UGT1A5: variants seen among roughly 807,000 people sequenced by gnomAD.
The protein encoded by UGT1A5 is UDP glucuronosyltransferase family 1 member A5.
UGT1A5 carries 29 observed loss-of-function variants against 40.3 expected under a neutral mutation model. That is an observed-to-expected ratio of 0.72 (90% confidence interval 0.54 to 0.98). The LOEUF (loss-of-function observed/expected upper bound fraction) is 0.98. Ranked by LOEUF, UGT1A5 falls within the 50% of genes least tolerant of loss-of-function variation. The pLI is 0.00. For synonymous variants in UGT1A5, 257 were observed against 262.5 expected (o/e 0.98, Z 0.20); for missense variants, 678 against 677.9 (o/e 1.00, Z 0.00).
rs551912265 is a variant in UGT1A5 at position 233,725,264 on chromosome 2, G to GGAGGCAGAGGCAGAGGCA, written c.867+11442_867+11459dup. On this transcript the variant is annotated intron_variant, in intron 1 of 4. Transcript: ENST00000373414. The stretch of plus-strand genomic sequence containing the variant: ...CAGAGGCAGAGGAGGCAGAGGCAGA[G>GGAGGCAGAGGCAGAGGCA]GAGGCAGAGGCAGAGGCAGAGGCAG... Among the ~76,000 whole-genome samples, 12 of 58,548 alleles carry GGAGGCAGAGGCAGAGGCA rather than the reference G, an allele frequency of 2.0e-4. 2 individuals are homozygous for GGAGGCAGAGGCAGAGGCA. The highest frequency in any genetic ancestry group is 1.1e-3 in the Admixed American group (7 of 6,532). 38.4% of individuals were successfully genotyped at this position (58,548 alleles called of 152,430 possible). A position where few individuals can be genotyped will look rare whatever the true frequency, so the allele number is the denominator to read the frequency against.
intron 1 of UGT1A5, among the ~76,000 whole-genome samples, chr2:233,756,648 T>A (rs1349644658): frequency 6.6e-6 from 1 of 152,160 alleles, no homozygotes; most frequent in East Asian, 1.9e-4. Flanking sequence ...GGGATAAACA[T>A]GGGATGCAGT....
At chr2:233,733,652 A>C (rs2078424412) in intron 1 of UGT1A5, among the ~76,000 whole-genome samples, 1 of 152,240 alleles carries the variant, frequency 6.6e-6, no homozygotes, top group Non-Finnish European at 1.5e-5. Flanking sequence ...CCCAAGGATG[A>C]AGCCGACTTG....
intron 1 of UGT1A5, among the ~76,000 whole-genome samples, chr2:233,732,478 A>G (rs60103279): frequency 0.034 from 5,126 of 152,332 alleles, 101 homozygotes; most frequent in African/African-American, 0.051. Flanking sequence ...TCTGGAATTA[A>G]TTTTTGTATA....
chr2:233,746,906 T>C (rs1380473357), intron 1 of UGT1A5, among the ~76,000 whole-genome samples: 1 of 151,690 alleles, frequency 6.6e-6, no homozygotes, highest in Admixed American at 6.5e-5. Context: ...TGACATGAAA[T>C]GGGTTTCCAC....
intron 1 of UGT1A5, among the ~76,000 whole-genome samples, chr2:233,724,946 C>T (rs1421347433): frequency 3.5e-5 from 5 of 144,538 alleles, no homozygotes; most frequent in African/African-American, 5.3e-5. Flanking sequence ...TCTGCAATCC[C>T]GGCACCTCGG....
At position 233,743,541 on chromosome 2, in the gene UGT1A5, A is replaced by AC. The variant is rs544018510; in HGVS notation, c.868-23486dup. On this transcript the variant is annotated intron_variant, in intron 1 of 4. Coordinates refer to ENST00000373414, the MANE Select transcript of UGT1A5 (RefSeq NM_019078.2). ...TTCTGCTTCCCCAGCAGTTCCTCTG[A>AC]CCCCCCCAAAATATTCTCCAGCGGG... 1.1e-3 allele frequency: 1,461 copies of AC among 1,366,810 alleles called. 41 individuals carry two copies. The African/African-American group carries it at 0.017, about 16-fold the overall frequency. The allele number at this position is 1,366,810 out of a possible 1,614,324, so 84.7% of individuals were successfully genotyped here. A position where few individuals can be genotyped will look rare whatever the true frequency, so the allele number is the denominator to read the frequency against.
At chr2:233,724,308 C>A (rs2077215136) in intron 1 of UGT1A5, among the ~76,000 whole-genome samples, 1 of 148,194 alleles carries the variant, frequency 6.7e-6, no homozygotes, top group African/African-American at 2.5e-5. Context: ...CACCTCCCTC[C>A]CGGACGGGGC....
At chr2:233,743,641 G>A (rs750445210) in intron 1 of UGT1A5, 2 of 1,367,204 alleles carry the variant, frequency 1.5e-6, no homozygotes, top group East Asian at 4.5e-5. Context: ...GGTCGCGGAA[G>A]CTGAAGACGT....
chr2:233,765,343 C>G (rs189255390), intron 1 of UGT1A5, among the ~76,000 whole-genome samples: 22 of 152,252 alleles, frequency 1.4e-4, no homozygotes, highest in African/African-American at 5.3e-4. Flanking sequence ...ATAACAAAGT[C>G]ATGGAACCAA....
chr2:233,747,267 C>T (rs1178293466), intron 1 of UGT1A5: 115 of 1,599,414 alleles, frequency 7.2e-5, no homozygotes, highest in Non-Finnish European at 9.0e-5. Flanking sequence ...GAGTGCTACT[C>T]CTTCTCAGTG....
chr2:233,748,180 G>T (rs1460619178), intron 1 of UGT1A5: 22 of 1,578,250 alleles, frequency 1.4e-5, no homozygotes, highest in Non-Finnish European at 1.9e-5. Flanking sequence ...TCTTTCTGGT[G>T]CTTTTATTTC....
intron 1 of UGT1A5, chr2:233,747,764 C>G: frequency 6.2e-7 from 1 of 1,613,426 alleles, no homozygotes; most frequent in Non-Finnish European, 8.5e-7. Context: ...ACTTTAAGGG[C>G]ACACAGTGTC....
intron 1 of UGT1A5, among the ~76,000 whole-genome samples, chr2:233,726,967 G>T (rs1400134709): frequency 6.6e-6 from 1 of 152,088 alleles, no homozygotes; most frequent in African/African-American, 2.4e-5. Flanking sequence ...AAGAGCAAAA[G>T]TTTTAGATTT....
intron 1 of UGT1A5, among the ~76,000 whole-genome samples, chr2:233,756,735 C>T (rs1015618945): frequency 7.9e-5 from 12 of 152,180 alleles, no homozygotes; most frequent in African/African-American, 2.6e-4. Context: ...GTTCTCTTCA[C>T]CTCCTCCTTA....
At chr2:233,742,142 G>A (rs868040003) in intron 1 of UGT1A5, among the ~76,000 whole-genome samples, 9 of 151,998 alleles carry the variant, frequency 5.9e-5, no homozygotes, top group South Asian at 2.1e-4. Flanking sequence ...ACCCAGCAGC[G>A]CTAGACGAAT....
intron 1 of UGT1A5, chr2:233,718,043 G>A (rs1022101837): frequency 1.5e-4 from 57 of 375,810 alleles, no homozygotes; most frequent in Non-Finnish European, 6.8e-5. Context: ...GTGAGCAGGA[G>A]CTCCCTGAAC....
In UGT1A5 at chr2:233,769,917, G is replaced by C. The variant is rs1699982353; in HGVS notation, c.1307+1478G>C. On this transcript the variant is annotated intron_variant, in intron 4 of 4. Transcript: ENST00000373414. The surrounding 1 kb of genome is among the most constrained non-coding windows in gnomAD (Gnocchi z 4.4). ...CTGAGCATCATGTGCCCAGAGCGTT[G>C]GGTGGTGTGGTCCCATTCCTTCCTT... 6.9e-6 allele frequency: 2 copies of C among 288,250 alleles called. No homozygotes were observed. The highest frequency in any genetic ancestry group is 1.3e-5 in the Non-Finnish European group (2 of 154,420). 17.9% of individuals were successfully genotyped at this position (288,250 alleles called of 1,614,324 possible). A position where few individuals can be genotyped will look rare whatever the true frequency, so the allele number is the denominator to read the frequency against.
chr2:233,742,539 ATGGCCAGTTTAGGGGCCAGCTTC>A (rs1692013291), intron 1 of UGT1A5, among the ~76,000 whole-genome samples: 1 of 151,860 alleles, frequency 6.6e-6, no homozygotes, highest in African/African-American at 2.4e-5. Flanking sequence ...GATTTTGTTT[ATGGCCAGTTTAGGGGCCAGCTTC>A]TGGCCGGAAT....
intron 1 of UGT1A5, chr2:233,755,045 G>C (rs745537470): frequency 7.5e-7 from 1 of 1,325,478 alleles, no homozygotes; most frequent in Non-Finnish European, 1.0e-6. Context: ...CTGCGCAGCC[G>C]CCCTCCGCCC....
Sources: allele counts gnomAD v4.1 joint callset (sites outside exome capture counted in the v4.1 genomes callset), GRCh38; gene constraint gnomAD v4.1.1; non-coding constraint Gnocchi (gnomAD v3.1); transcripts MANE v1.5; gene names NCBI Gene and HGNC (gene_info 2026-07-23, HGNC 2026-07-21).